FANCM: variants seen among roughly 807,000 people sequenced by gnomAD.
FANCM encodes Fanconi anemia group M protein.
A neutral mutation model predicts 199.5 loss-of-function variants in FANCM; 140 were observed. The ratio of observed to expected loss-of-function variants is 0.70; its 90% confidence interval spans 0.61 to 0.81. The LOEUF is 0.81. Ranked by LOEUF, FANCM falls within the 30% of genes least tolerant of loss-of-function variation. FANCM has a pLI of 0.00. For missense variants in FANCM, 2,410 were observed against 2,421.4 expected (o/e 1.00, Z 0.10); for synonymous variants, 840 against 836.8 (o/e 1.00, Z -0.07).
intron 12 of FANCM, among the ~76,000 whole-genome samples, chr14:45,171,983 A>G (rs1236449233): frequency 6.6e-6 from 1 of 152,166 alleles, no homozygotes; most frequent in Admixed American, 6.5e-5. Context: ...CCAGCAGTGT[A>G]AAAGTGTTCC....
chr14:45,143,831 T>C (rs904037172), intron 3 of FANCM, among the ~76,000 whole-genome samples: 2 of 151,358 alleles, frequency 1.3e-5, no homozygotes, highest in South Asian at 2.1e-4. Context: ...GCAGCTGGGA[T>C]TACAGGTGCC....
intron 4 of FANCM, among the ~76,000 whole-genome samples, chr14:45,150,103 A>G (rs1178481873): frequency 6.6e-6 from 1 of 152,234 alleles, no homozygotes; most frequent in Non-Finnish European, 1.5e-5. Context: ...TTTCATTGCC[A>G]TGGATTAAAG....
intron 10 of FANCM, among the ~76,000 whole-genome samples, chr14:45,165,913 A>T (rs1887936007): frequency 6.6e-6 from 1 of 152,208 alleles, no homozygotes; most frequent in Non-Finnish European, 1.5e-5. Flanking sequence ...CAAAGGGAGT[A>T]ACGCTTTTGT....
At chr14:45,141,333 A>G (rs1307436516) in intron 3 of FANCM, among the ~76,000 whole-genome samples, 2 of 151,628 alleles carry the variant, frequency 1.3e-5, no homozygotes, top group Non-Finnish European at 2.9e-5. Context: ...AAAAACATAA[A>G]TGAATAATCC....
At chr14:45,171,169 G>A (rs540856494) in intron 12 of FANCM, among the ~76,000 whole-genome samples, 4 of 147,584 alleles carry the variant, frequency 2.7e-5, no homozygotes, top group Admixed American at 6.8e-5. Flanking sequence ...ATGAGGTCTC[G>A]CTCTGTTGTC....
chr14:45,170,739 A>G lies in FANCM; in HGVS notation c.2153A>G (p.Asn718Ser). 1 of 1,610,752 alleles carries G rather than the reference A, an allele frequency of 6.2e-7. No individual in the cohort carries two copies. ...VQFSSLQNEE[N>S]KPAQESTTGI... is the part of the protein sequence containing the mutation. Reference sequence around the variant, plus strand: ...TTTTCTTCTTTACAAAATGAGGAAAACAAACCAGTAAGTTGAATATATTTT... The same window carrying G: ...TTTTCTTCTTTACAAAATGAGGAAAGCAAACCAGTAAGTTGAATATATTTT... Residue 718 changes from asparagine (N) to serine (S), a missense_variant, in exon 12 of 23, where the codon AAC becomes AGC. Transcript: ENST00000267430.
chr14:45,152,187 C>T (rs963012118), intron 5 of FANCM, among the ~76,000 whole-genome samples: 1 of 151,828 alleles, frequency 6.6e-6, no homozygotes, highest in African/African-American at 2.4e-5. Flanking sequence ...CATCACCACG[C>T]CTGGCTAATT....
chr14:45,137,522 G>C (rs1594752254), intron 2 of FANCM: 6 of 416,330 alleles, frequency 1.4e-5, no homozygotes, highest in South Asian at 6.9e-5. Context: ...TGAGAGCCTA[G>C]TCATGGTTGG....
intron 19 of FANCM, 47 bp from the exon 20 acceptor site, chr14:45,188,755 T>C: frequency 5.1e-6 from 7 of 1,369,276 alleles, no homozygotes; most frequent in Non-Finnish European, 7.2e-6. Flanking sequence ...TAAATACCTG[T>C]TAATTGTCTG....
At chr14:45,167,347 T>C (rs553213764) in intron 11 of FANCM, 184 bp downstream of exon 11, 7 of 581,634 alleles carry the variant, frequency 1.2e-5, no homozygotes, top group South Asian at 8.3e-5. Flanking sequence ...ACTGGTAGTA[T>C]AGAGTGACAG....
intron 11 of FANCM, among the ~76,000 whole-genome samples, chr14:45,169,457 G>A (rs1888203326): frequency 6.7e-6 from 1 of 149,220 alleles, no homozygotes; most frequent in African/African-American, 2.5e-5. Context: ...TGGAATACCT[G>A]AGACATGATC....
intron 11 of FANCM, among the ~76,000 whole-genome samples, chr14:45,169,245 T>TG (rs774368289): frequency 6.6e-6 from 1 of 152,046 alleles, no homozygotes; most frequent in Non-Finnish European, 1.5e-5. Flanking sequence ...TTTAAGGGAC[T>TG]GGGGGTACCT....
intron 9 of FANCM, among the ~76,000 whole-genome samples, 155 bp downstream of exon 9, chr14:45,159,435 T>C (rs1887429481): frequency 6.6e-6 from 1 of 152,138 alleles, no homozygotes; most frequent in African/African-American, 2.4e-5. Flanking sequence ...TGAAAGATGA[T>C]AACAAATGTT....
rs999130761 is a variant in FANCM, at chr14:45,140,601, G to C, written c.682-31G>C. On this transcript the variant is annotated intron_variant, in intron 2 of 22. Transcript: ENST00000267430. Reference sequence around the variant, plus strand: ...ACCACTGTTATTTTTGCATTGAACAGATGAAACTAAAGAACTTTTTTTTTC... The same window carrying C: ...ACCACTGTTATTTTTGCATTGAACACATGAAACTAAAGAACTTTTTTTTTC... 9 of 1,208,096 alleles carry C rather than the reference G, an allele frequency of 7.4e-6. No individual in the cohort carries two copies. In the African/African-American group the frequency reaches 1.3e-4, roughly 18 times the overall value. The allele number at this position is 1,208,096 out of a possible 1,614,324, so 74.8% of individuals were successfully genotyped here.
At chr14:45,146,239 T>TTAA in intron 3 of FANCM, among the ~76,000 whole-genome samples, 1 of 14,346 alleles carries the variant, frequency 7.0e-5, no homozygotes, top group Admixed American at 1.1e-3. Context: ...AGACTCCGTC[T>TTAA]GAAAAAAAAA....
chr14:45,138,095 C>CTT (rs992949007), intron 2 of FANCM: 11 of 151,804 alleles, frequency 7.2e-5, no homozygotes, highest in Admixed American at 7.2e-4. Flanking sequence ...TTTGAGGTGT[C>CTT]TATGAGGAAT....
chr14:45,139,069 C>G (rs1242983785), intron 2 of FANCM, among the ~76,000 whole-genome samples: 1 of 152,194 alleles, frequency 6.6e-6, no homozygotes, highest in African/African-American at 2.4e-5. Flanking sequence ...TTAAAAGCAT[C>G]AATCCAGTAA....
chr14:45,137,347 A>G, intron 2 of FANCM, 106 bp downstream of exon 2: 1 of 879,846 alleles, frequency 1.1e-6, no homozygotes, highest in South Asian at 1.4e-5. Flanking sequence ...TATTATAAAA[A>G]GCCTTTACGT....
chr14:45,198,775 T>C lies in FANCM; in HGVS notation c.5848T>C (p.Leu1950=), dbSNP rs146436929. Residue 1950 remains leucine, a synonymous_variant, in exon 22 of 23, where the codon TTA becomes CTA. Coordinates refer to ENST00000267430, the MANE Select transcript of FANCM (RefSeq NM_020937.4). ...CGCAGATTTGCTAAAGGAACTGTCT[T>C]TAGTGGAACAAAGAAAGAATGTTGG... ...ETADLLKELS[L]VEQRKNVGIH... 1 of 1,614,058 alleles carries C rather than the reference T, an allele frequency of 6.2e-7. No homozygotes were observed. Among genetic ancestry groups the C allele is most frequent in the Admixed American group, 1.7e-5 (1 of 60,014 alleles).
Sources: allele counts gnomAD v4.1 joint callset (sites outside exome capture counted in the v4.1 genomes callset), GRCh38; gene constraint gnomAD v4.1.1; transcripts MANE v1.5; gene names NCBI Gene and HGNC (gene_info 2026-07-23, HGNC 2026-07-21).